Variants in FBXO31 observed in about 807,000 individuals in gnomAD.
The protein encoded by FBXO31 is F-box only protein 31.
In FBXO31, 24 loss-of-function variants were observed where a neutral mutation model predicts 54.4. The observed-to-expected ratio is 0.44, with a 90% CI of 0.32 to 0.62. The LOEUF is 0.62. FBXO31 is among the 20% of genes least tolerant of loss of function. FBXO31 has a pLI of 0.05. For missense variants in FBXO31, 665 were observed against 787.1 expected (o/e 0.84, Z 1.86); for synonymous variants, 388 against 335.6 (o/e 1.16, Z -1.71).
upstream of FBXO31, among the ~76,000 whole-genome samples, chr16:87,390,174 G>A (rs1384286927): frequency 6.6e-6 from 1 of 152,092 alleles, no homozygotes; most frequent in South Asian, 2.1e-4. Context: ...CCAGCTACTG[G>A]GGAGGCTGAG....
chr16:87,333,713 G>A (rs1298347988), intron 8 of FBXO31, among the ~76,000 whole-genome samples, 173 bp downstream of exon 8: 1 of 152,178 alleles, frequency 6.6e-6, no homozygotes, highest in Non-Finnish European at 1.5e-5. Context: ...GCTTGCTCAG[G>A]TGCTGGGGAA....
At chr16:87,342,636 C>T (rs1160241188) in intron 5 of FBXO31, among the ~76,000 whole-genome samples, 2 of 152,196 alleles carry the variant, frequency 1.3e-5, no homozygotes. Flanking sequence ...ACTGAAGAAA[C>T]GGCCTGTGTG....
chr16:87,380,978 T>G (rs998765598), intron 1 of FBXO31, among the ~76,000 whole-genome samples: 4 of 152,128 alleles, frequency 2.6e-5, no homozygotes, highest in Non-Finnish European at 5.9e-5. Flanking sequence ...TACCTTACGG[T>G]TTCCCAAACA....
At chr16:87,342,815 T>C in intron 5 of FBXO31, 62 bp downstream of exon 5, 1 of 1,455,358 alleles carries the variant, frequency 6.9e-7, no homozygotes, top group South Asian at 1.3e-5. Flanking sequence ...GGGTCTGTAC[T>C]TTCCCCGTGG....
intron 1 of FBXO31, among the ~76,000 whole-genome samples, chr16:87,363,106 C>T (rs1163553217): frequency 2.0e-5 from 3 of 149,852 alleles, no homozygotes; most frequent in African/African-American, 2.4e-5. Context: ...AAACAAAAGC[C>T]GGGCGCGGTG....
At chr16:87,376,657 G>A (rs16942913) in intron 1 of FBXO31, among the ~76,000 whole-genome samples, 2,026 of 152,328 alleles carry the variant, frequency 0.013, 43 homozygotes, top group African/African-American at 0.047. Context: ...AAACTGGGTG[G>A]TAAACACAGA....
At position 87,328,617 on chromosome 16, in the gene FBXO31, A is replaced by C. The variant is rs561963119; in HGVS notation, c.*2671T>G. The C allele has an allele frequency of 6.6e-6, 1 of 152,412 alleles. No individual in the cohort carries two copies. The highest frequency in any genetic ancestry group is 2.1e-4 in the South Asian group (1 of 4,830). 9.4% of individuals were successfully genotyped at this position (152,412 alleles called of 1,614,324 possible). A position where few individuals can be genotyped will look rare whatever the true frequency, so the allele number is the denominator to read the frequency against. The stretch of plus-strand genomic sequence containing the variant: ...GCAAATGAACATTCAGTGCCGGCAC[A>C]GAAAAGCCTCCAATGACCTCTCTGA... On this transcript the variant is annotated 3_prime_UTR_variant, in exon 9 of 9. Coordinates refer to ENST00000311635, the MANE Select transcript of FBXO31 (RefSeq NM_024735.5).
chr16:87,340,085 C>T (rs1252981692), intron 5 of FBXO31, among the ~76,000 whole-genome samples: 1 of 152,188 alleles, frequency 6.6e-6, no homozygotes, highest in African/African-American at 2.4e-5. Context: ...GAGTTCGAGA[C>T]CAACCTGGCC....
chr16:87,343,196 CAG>C (rs1328766924), intron 4 of FBXO31, among the ~76,000 whole-genome samples: 1 of 152,250 alleles, frequency 6.6e-6, no homozygotes, highest in Admixed American at 6.5e-5. Context: ...CAGCGTGACA[CAG>C]AGCAGCAAAA....
chr16:87,379,890 C>T (rs1567490722), intron 1 of FBXO31, among the ~76,000 whole-genome samples: 1 of 151,004 alleles, frequency 6.6e-6, no homozygotes, highest in Admixed American at 6.6e-5. Context: ...GCCCAGCCCG[C>T]ATACCATTTA....
intron 2 of FBXO31, among the ~76,000 whole-genome samples, chr16:87,353,100 G>C (rs963970300): frequency 6.6e-6 from 1 of 152,218 alleles, no homozygotes; most frequent in Non-Finnish European, 1.5e-5. Context: ...GGCGTGGCCA[G>C]GGCTGCTGCC....
intron 1 of FBXO31, among the ~76,000 whole-genome samples, chr16:87,374,390 G>C (rs974152997): frequency 1.3e-5 from 2 of 152,116 alleles, no homozygotes; most frequent in Admixed American, 1.3e-4. Context: ...CAAAATCATC[G>C]AAAATCGCTT....
intron 2 of FBXO31, among the ~76,000 whole-genome samples, chr16:87,354,950 C>G (rs1013832810): frequency 6.6e-6 from 1 of 152,088 alleles, no homozygotes; most frequent in Non-Finnish European, 1.5e-5. Flanking sequence ...CTGGGTGACA[C>G]TGGGTGAGAC....
rs149105745 is a variant in FBXO31 at position 87,327,222 on chromosome 16, G to A, written c.*4066C>T. On this transcript the variant is annotated 3_prime_UTR_variant, in exon 9 of 9. Transcript: ENST00000311635. ...CCAGAAACAACCAAATGCAGAATCA[G>A]GCCAAAACCCACACAGCCCTGACCC... 6.5e-6 allele frequency: 1 copy of A among 152,804 alleles called. No homozygotes were observed. Among genetic ancestry groups the A allele is most frequent in the Non-Finnish European group, 1.5e-5 (1 of 68,522 alleles). The allele number at this position is 152,804 out of a possible 1,614,324, so 9.5% of individuals were successfully genotyped here. A position where few individuals can be genotyped will look rare whatever the true frequency, so the allele number is the denominator to read the frequency against.
At chr16:87,369,362 C>G (rs1044467389) in intron 1 of FBXO31, among the ~76,000 whole-genome samples, 3 of 152,102 alleles carry the variant, frequency 2.0e-5, no homozygotes, top group African/African-American at 7.2e-5. Context: ...GCCCCGTCCT[C>G]GGCACCCACC....
rs1905353853 is a variant in FBXO31 at position 87,345,660 on chromosome 16, G to A, written c.489+1514C>T. ...GACTGAACACTCTCTCCTAATTCCA[G>A]GAGAAAGAAAACAAGAAAAAGAAAA... On this transcript the variant is annotated intron_variant, in intron 3 of 8. Transcript: ENST00000311635. This position sits in a 1 kb window ranked among gnomAD's most constrained non-coding sequence, Gnocchi z 4.9. Among the ~76,000 whole-genome samples, 1 of 152,138 alleles carries A rather than the reference G, an allele frequency of 6.6e-6. No individual in the cohort carries two copies. Among genetic ancestry groups the A allele is most frequent in the South Asian group, 2.1e-4 (1 of 4,820 alleles).
At chr16:87,331,546 G>C (rs1904860096) in intron 8 of FBXO31, 36 bp from the exon 9 acceptor site, 4 of 1,542,706 alleles carry the variant, frequency 2.6e-6, no homozygotes, top group Middle Eastern at 1.7e-4. Context: ...TGAGCTGGGG[G>C]AGGGCTGAGT....
chr16:87,350,633 T>C (rs1292578819), intron 2 of FBXO31, among the ~76,000 whole-genome samples: 1 of 152,190 alleles, frequency 6.6e-6, no homozygotes, highest in Non-Finnish European at 1.5e-5. Flanking sequence ...GATGGACTGC[T>C]GGGCGGCTGG....
intron 5 of FBXO31, among the ~76,000 whole-genome samples, chr16:87,339,400 C>T (rs1047278760): frequency 6.6e-5 from 10 of 152,186 alleles, no homozygotes; most frequent in African/African-American, 2.2e-4. Flanking sequence ...CCCTACACGT[C>T]GTGAGAGAAA....
Sources: gnomAD v4.1 joint callset for allele counts (sites outside exome capture counted in the v4.1 genomes callset) on GRCh38, gnomAD v4.1.1 for gene constraint, Gnocchi (gnomAD v3.1) non-coding constraint, MANE v1.5 for transcripts, NCBI Gene and HGNC (gene_info 2026-07-23, HGNC 2026-07-21) for gene names.